LUC7L2: variants seen among roughly 807,000 people sequenced by gnomAD.
The protein encoded by LUC7L2 is LUC7 like 2, pre-mRNA splicing factor, also known as putative RNA-binding protein Luc7-like 2.
In LUC7L2, 25 loss-of-function variants were observed where a neutral mutation model predicts 52.8. The ratio of observed to expected loss-of-function variants is 0.47; its 90% CI spans 0.34 to 0.66. The LOEUF is 0.66. Ranked by LOEUF, LUC7L2 falls within the 30% of genes least tolerant of loss-of-function variation. LUC7L2 has a pLI of 0.01. For synonymous variants in LUC7L2, 144 were observed against 160.9 expected (o/e 0.89, Z 0.80); for missense variants, 328 against 497.8 (o/e 0.66, Z 3.25).
At chr7:139,380,367 G>T (rs1218351731) in intron 2 of LUC7L2, among the ~76,000 whole-genome samples, 1 of 152,038 alleles carries the variant, frequency 6.6e-6, no homozygotes, top group Non-Finnish European at 1.5e-5. Context: ...GCCGAGGGGG[G>T]ATGGGGGATC....
intron 1 of LUC7L2, chr7:139,371,565 G>C (rs1311649389): frequency 7.3e-6 from 9 of 1,231,878 alleles, no homozygotes; most frequent in Non-Finnish European, 1.0e-5. Flanking sequence ...GTACTGGGGG[G>C]AGGGGGCGGA....
intron 2 of LUC7L2, among the ~76,000 whole-genome samples, chr7:139,390,367 T>G (rs1254426571): frequency 1.3e-5 from 2 of 151,388 alleles, no homozygotes; most frequent in African/African-American, 4.9e-5. Flanking sequence ...TTCAAGTGAT[T>G]TTCCTGCCTC....
At chr7:139,384,112 C>G (rs1016726239) in intron 2 of LUC7L2, among the ~76,000 whole-genome samples, 29 of 152,060 alleles carry the variant, frequency 1.9e-4, no homozygotes, top group Non-Finnish European at 4.4e-5. Context: ...TATGAAAAAT[C>G]AGTCTGTAAA....
intron 2 of LUC7L2, chr7:139,392,522 TG>T: frequency 3.5e-6 from 1 of 289,674 alleles, no homozygotes; most frequent in South Asian, 2.8e-5. Context: ...GGATTCAGAA[TG>T]GAGAAGACAA....
chr7:139,399,792 GT>G, intron 3 of LUC7L2, among the ~76,000 whole-genome samples: 1 of 152,098 alleles, frequency 6.6e-6, no homozygotes, highest in Middle Eastern at 3.4e-3. Context: ...TAAGGACAGT[GT>G]TTTTAATGAA....
At chr7:139,384,956 T>A (rs1794128182) in intron 2 of LUC7L2, among the ~76,000 whole-genome samples, 1 of 152,100 alleles carries the variant, frequency 6.6e-6, no homozygotes, top group Admixed American at 6.5e-5. Context: ...ATTCATTTTA[T>A]ATACTATTTA....
chr7:139,362,622 CTTT>C (rs79177935), intron 1 of LUC7L2, among the ~76,000 whole-genome samples: 16 of 114,408 alleles, frequency 1.4e-4, no homozygotes, highest in Admixed American at 2.5e-4. Context: ...CAACTCTGTC[CTTT>C]TTTTTTTTTT....
At chr7:139,368,809 C>G (rs1800300755) in intron 1 of LUC7L2, among the ~76,000 whole-genome samples, 1 of 151,670 alleles carries the variant, frequency 6.6e-6, no homozygotes, top group African/African-American at 2.4e-5. Flanking sequence ...TTCACCGTCT[C>G]AGTCCTTTCC....
chr7:139,354,235 T>C (rs2131161926), intron 1 of LUC7L2, among the ~76,000 whole-genome samples: 1 of 152,354 alleles, frequency 6.6e-6, no homozygotes, highest in Non-Finnish European at 1.5e-5. Flanking sequence ...TCAAAATTTT[T>C]TTAAATTCTT....
At position 139,402,138 on chromosome 7, in the gene LUC7L2, C is replaced by T; in HGVS notation, c.257C>T (p.Ala86Val). ...KEQDFFFELD[A>V]MDHLQSFIAD... The stretch of plus-strand genomic sequence containing the variant: ...ATTGTCTTTAATTAAACTTTGTAGG[C>T]CATGGATCATCTGCAGTCATTCATT... Residue 86 changes from alanine (A) to valine (V), a missense_variant and splice_region_variant, in exon 4 of 10, where the codon GCC (alanine) becomes GTC (valine). Ala to Val is a moderately conservative substitution (Grantham distance 64, BLOSUM62 0). Coordinates refer to ENST00000354926, the MANE Select transcript of LUC7L2 (RefSeq NM_016019.5). The T allele has an allele frequency of 6.3e-7, 1 of 1,588,348 alleles. No homozygotes were observed. Among genetic ancestry groups the T allele is most frequent in the Non-Finnish European group, 8.5e-7 (1 of 1,172,632 alleles).
At chr7:139,349,337 T>G (rs1799373875) in intron 1 of LUC7L2, among the ~76,000 whole-genome samples, 1 of 152,240 alleles carries the variant, frequency 6.6e-6, no homozygotes, top group Non-Finnish European at 1.5e-5. Context: ...ATTATGTTAT[T>G]AAGGTTTAAA....
chr7:139,403,935 C>T (rs1233327046), intron 4 of LUC7L2, among the ~76,000 whole-genome samples: 1 of 152,130 alleles, frequency 6.6e-6, no homozygotes, highest in African/African-American at 2.4e-5. Flanking sequence ...ATCTCAGTAA[C>T]CAAAGCAAGT....
chr7:139,417,696 C>G lies in LUC7L2; in HGVS notation c.968C>G (p.Ser323Cys), dbSNP rs773832832. The stretch of plus-strand genomic sequence containing the variant: ...AGCCACCAGAGAAGTCGGCACAGTT[C>G]TAGAGATAGGAGCAGAGAACGATCC... ...SRSHQRSRHS[S>C]RDRSRERSKR... Residue 323 changes from serine to cysteine, a missense_variant, in exon 9 of 10, where the codon TCT becomes TGT. Physicochemically the swap from Ser to Cys is moderately radical, Grantham distance 112 (BLOSUM62 -1). Coordinates refer to ENST00000354926, the MANE Select transcript of LUC7L2 (RefSeq NM_016019.5). 3.7e-6 allele frequency: 6 copies of G among 1,613,946 alleles called. No individual in the cohort carries two copies. Among genetic ancestry groups the G allele is most frequent in the African/African-American group, 2.7e-5 (2 of 74,894 alleles).
intron 1 of LUC7L2, 86 bp downstream of exon 1, chr7:139,360,408 C>A (rs1799809289): frequency 4.3e-5 from 56 of 1,316,460 alleles, no homozygotes; most frequent in Non-Finnish European, 5.8e-5. Context: ...TGGGCGCGCG[C>A]GTGTGGCTGA....
rs76065081 is a variant in LUC7L2, at chr7:139,373,028, A to G, written c.62-3034A>G. Among the ~76,000 whole-genome samples the G allele has an allele frequency of 3.0e-3, 464 of 152,318 alleles. 16 individuals carry two copies. The East Asian group carries it at 0.081, about 27-fold the overall frequency. On this transcript the variant is annotated intron_variant, in intron 1 of 9. Coordinates refer to ENST00000354926, the MANE Select transcript of LUC7L2 (RefSeq NM_016019.5). ...AAAACCCAAAGATAAAACACATTAA[A>G]TTGAAAATAATTTCTTGTATTATAA...
intron 3 of LUC7L2, among the ~76,000 whole-genome samples, chr7:139,401,754 CT>C (rs58559406): frequency 0.2 from 27,279 of 135,780 alleles, 2,605 homozygotes; most frequent in Middle Eastern, 0.29. Flanking sequence ...CGCCCAGCTT[CT>C]TTTTTTTTTT....
chr7:139,399,084 C>G (rs4732372), intron 3 of LUC7L2, among the ~76,000 whole-genome samples: 13,202 of 148,018 alleles, frequency 0.089, 683 homozygotes, highest in Middle Eastern at 0.15. Flanking sequence ...TATATATATA[C>G]ATGTATATAT....
At position 139,412,268 on chromosome 7, in the gene LUC7L2, G is replaced by A. The variant is rs773864169; in HGVS notation, c.780-283G>A. Among the ~76,000 whole-genome samples, 35 of 151,264 alleles carry A rather than the reference G, an allele frequency of 2.3e-4. No individual in the cohort carries two copies. In the Middle Eastern group the frequency reaches 0.01, roughly 45 times the overall value. ...AACAGAAAAAATCCGAAACACTTATGATCCTTAGCGTTTCGGAGAAGGAGT... is the reference window on the plus strand; with the variant it reads ...AACAGAAAAAATCCGAAACACTTATAATCCTTAGCGTTTCGGAGAAGGAGT... On this transcript the variant is annotated intron_variant, in intron 7 of 9. Coordinates refer to ENST00000354926, the MANE Select transcript of LUC7L2 (RefSeq NM_016019.5).
At chr7:139,353,522 G>A (rs1345066872) in intron 1 of LUC7L2, among the ~76,000 whole-genome samples, 1 of 151,980 alleles carries the variant, frequency 6.6e-6, no homozygotes, top group Non-Finnish European at 1.5e-5. Context: ...CAGATGCTAA[G>A]ATGAATACAT....
Sources: gnomAD v4.1 joint callset for allele counts (sites outside exome capture counted in the v4.1 genomes callset) on GRCh38, gnomAD v4.1.1 for gene constraint, MANE v1.5 for transcripts, NCBI Gene and HGNC (gene_info 2026-07-23, HGNC 2026-07-21) for gene names.